DSCAM: variants seen among roughly 807,000 people sequenced by gnomAD.
DSCAM encodes DS cell adhesion molecule, also known as cell adhesion molecule DSCAM.
A neutral mutation model predicts 217.7 loss-of-function variants in DSCAM; 47 were observed. That is an observed-to-expected ratio of 0.22 (90% confidence interval 0.17 to 0.28). DSCAM has a LOEUF of 0.28. Among genes scored for constraint, DSCAM ranks in the 10% least tolerant of loss-of-function variants. The pLI, the probability that DSCAM is intolerant of heterozygous loss-of-function variation, is 1.00. For synonymous variants in DSCAM, 1,056 were observed against 1,015.3 expected (o/e 1.04, Z -0.76); for missense variants, 2,080 against 2,618.3 (o/e 0.79, Z 4.49).
At chr21:40,496,876 C>T (rs1364466453) in intron 3 of DSCAM, among the ~76,000 whole-genome samples, 3 of 151,988 alleles carry the variant, frequency 2.0e-5, no homozygotes, top group South Asian at 4.1e-4. Flanking sequence ...AAAGGCCAAT[C>T]GATACATGAA....
chr21:40,483,453 A>G (rs536783663), intron 3 of DSCAM, among the ~76,000 whole-genome samples: 5 of 152,298 alleles, frequency 3.3e-5, no homozygotes, highest in African/African-American at 7.2e-5. Flanking sequence ...CACTGGCCAA[A>G]CATTTCAACA....
intron 3 of DSCAM, among the ~76,000 whole-genome samples, chr21:40,371,892 T>A (rs1197706869): frequency 6.6e-6 from 1 of 152,184 alleles, no homozygotes; most frequent in Admixed American, 6.6e-5. Context: ...ATTGCAAAAA[T>A]TTAAAAAATT....
chr21:40,818,154 T>C (rs2091898224), intron 1 of DSCAM, among the ~76,000 whole-genome samples: 1 of 146,344 alleles, frequency 6.8e-6, no homozygotes, highest in South Asian at 2.2e-4. Context: ...GAAAGCTCCT[T>C]GGGCCTCGAT....
intron 14 of DSCAM, among the ~76,000 whole-genome samples, chr21:40,186,844 A>G (rs1014785367): frequency 3.3e-5 from 5 of 152,158 alleles, no homozygotes; most frequent in African/African-American, 1.2e-4. Context: ...TCCATCAGCC[A>G]CTGCCCACAT....
chr21:40,289,522 A>C (rs1478096839), intron 10 of DSCAM, among the ~76,000 whole-genome samples: 2 of 152,204 alleles, frequency 1.3e-5, no homozygotes, highest in East Asian at 3.9e-4. Context: ...AAGCTACCTG[A>C]GGTCAATTAC....
chr21:40,645,997 G>C (rs1188455603), intron 3 of DSCAM, among the ~76,000 whole-genome samples: 2 of 152,120 alleles, frequency 1.3e-5, no homozygotes. Context: ...TAAATGAAAA[G>C]ATACCGTTCT....
At position 40,075,017 on chromosome 21, in the gene DSCAM, AC is replaced by A. The variant is rs747461437; in HGVS notation, c.4888+19del. 12 of 1,613,086 alleles carry A rather than the reference AC, an allele frequency of 7.4e-6. No individual in the cohort carries two copies. The African/African-American group carries it at 1.2e-4, about 16-fold the overall frequency. On this transcript the variant is annotated intron_variant, in intron 27 of 32. Coordinates refer to ENST00000400454, the MANE Select transcript of DSCAM (RefSeq NM_001389.5). ...AGCAGCAGGGGACACGCGTAGGTGG[AC>A]AGCTGGGCCTGGACCTACCTCGCAG...
chr21:40,178,792 C>G, intron 15 of DSCAM, 135 bp downstream of exon 15: 1 of 1,040,772 alleles, frequency 9.6e-7, no homozygotes, highest in Non-Finnish European at 1.4e-6. Flanking sequence ...TTATAGGGCA[C>G]AGAACTACGG....
chr21:40,328,456 T>C (rs1422333817), intron 8 of DSCAM, among the ~76,000 whole-genome samples: 2 of 152,124 alleles, frequency 1.3e-5, no homozygotes, highest in African/African-American at 2.4e-5. Flanking sequence ...ATTTATGATG[T>C]CTCTAATGCC....
At chr21:40,267,948 T>TATA (rs2073562831) in intron 11 of DSCAM, among the ~76,000 whole-genome samples, 2 of 152,130 alleles carry the variant, frequency 1.3e-5, no homozygotes, top group African/African-American at 4.8e-5. Context: ...ACTGTATGTG[T>TATA]ATATATACAA....
chr21:40,181,871 A>C (rs1398439822), intron 14 of DSCAM, among the ~76,000 whole-genome samples: 1 of 152,156 alleles, frequency 6.6e-6, no homozygotes, highest in Non-Finnish European at 1.5e-5. Context: ...GGAAGATGTC[A>C]GAAGCATTCA....
chr21:40,266,208 T>G (rs2073524507), intron 11 of DSCAM, among the ~76,000 whole-genome samples: 1 of 149,262 alleles, frequency 6.7e-6, no homozygotes, highest in Non-Finnish European at 1.5e-5. Flanking sequence ...TGGATATTTC[T>G]CAAAAGAAGA....
intron 11 of DSCAM, among the ~76,000 whole-genome samples, chr21:40,203,977 T>G (rs1310081689): frequency 2.6e-5 from 4 of 152,220 alleles, no homozygotes; most frequent in African/African-American, 9.6e-5. Flanking sequence ...ATTAATGAAT[T>G]TGATAAATAA....
Position 40,013,332 on chromosome 21 carries a change from C to T in DSCAM, c.5741G>A (p.Gly1914Asp). The change falls in exon 33 of 33, where the codon GGT becomes GAT. Residue 1914 changes from glycine to aspartate, a missense_variant. By Grantham distance (94) the Gly-to-Asp change is moderately conservative. Around this residue, in one of 5 missense-constraint regions of DSCAM, gnomAD observed 145 missense variants for 138.5 expected, o/e 1.05. Transcript: ENST00000400454. ...YLRMDFLLNR[G>D]GPGTSRDLSL... is the part of the protein sequence containing the mutation. ...CAGGTCCCTGCTGGTGCCTGGACCA[C>T]CTCGGTTTAACAAAAAGTCCATTCT... 6.2e-7 allele frequency: 1 copy of T among 1,604,862 alleles called. No individual in the cohort carries two copies. The highest frequency in any genetic ancestry group is 8.5e-7 in the Non-Finnish European group (1 of 1,176,304).
intron 11 of DSCAM, among the ~76,000 whole-genome samples, chr21:40,268,597 G>A (rs2073572164): frequency 6.7e-6 from 1 of 148,752 alleles, no homozygotes; most frequent in Non-Finnish European, 1.5e-5. Context: ...CAAAACAGAA[G>A]GATGAAGAGG....
intron 16 of DSCAM, among the ~76,000 whole-genome samples, chr21:40,156,291 G>C (rs889905780): frequency 1.1e-4 from 5 of 45,318 alleles, no homozygotes; most frequent in African/African-American, 2.6e-4. Flanking sequence ...CTAAGACAGA[G>C]AGAGAGAGAG....
chr21:40,564,906 T>C (rs2076753145), intron 3 of DSCAM, among the ~76,000 whole-genome samples: 1 of 152,152 alleles, frequency 6.6e-6, no homozygotes, highest in Non-Finnish European at 1.5e-5. Context: ...CAGACCTAGT[T>C]GCTCCCTGTG....
intron 4 of DSCAM, among the ~76,000 whole-genome samples, chr21:40,356,869 C>T (rs771860678): frequency 3.3e-5 from 5 of 152,176 alleles, no homozygotes; most frequent in Non-Finnish European, 5.9e-5. Context: ...CCACTGAGGG[C>T]AGTCAGCAGG....
At chr21:40,358,712 T>G (rs1315883392) in intron 4 of DSCAM, among the ~76,000 whole-genome samples, 1 of 148,898 alleles carries the variant, frequency 6.7e-6, no homozygotes, top group Non-Finnish European at 1.5e-5. Context: ...AGAGGCAGGA[T>G]AATAGCTTGA....
Sources: allele counts gnomAD v4.1 joint callset (sites outside exome capture counted in the v4.1 genomes callset), GRCh38; gene constraint gnomAD v4.1.1; regional missense constraint gnomAD v4.1.1; transcripts MANE v1.5; gene names NCBI Gene and HGNC (gene_info 2026-07-23, HGNC 2026-07-21).